AFF2: variants seen among roughly 807,000 people sequenced by gnomAD.
AFF2 encodes ALF transcription elongation factor 2.
In AFF2, 14 loss-of-function variants were observed where a neutral mutation model predicts 76.9. That is an observed-to-expected ratio of 0.18 (90% confidence interval 0.12 to 0.28). AFF2 has a LOEUF of 0.28. AFF2 is among the 10% of genes least tolerant of loss of function. The pLI is 1.00. For missense variants in AFF2, 868 were observed against 1,001.1 expected, an observed-to-expected ratio of 0.87 and a Z score of 1.79; for synonymous variants, 398 against 366.7, an observed-to-expected ratio of 1.09 and a Z score of -0.98.
intron 9 of AFF2, among the ~76,000 whole-genome samples, chrX:148,949,865 T>C: frequency 8.8e-6 from 1 of 113,008 alleles, no homozygotes; most frequent in Middle Eastern, 4.7e-3. Context: ...ATAACATTAA[T>C]ACAGTCTTAG....
chrX:148,762,409 G>GTATATATATATATATATATATATA (rs372864201), intron 3 of AFF2, among the ~76,000 whole-genome samples: 1,824 of 86,340 alleles, frequency 0.021, 46 homozygotes, highest in Non-Finnish European at 0.027. Context: ...GTATTCTATG[G>GTATATATATATATATATATATATA]TATATATATA....
Position 148,999,015 on chromosome X carries a change from G to T in AFF2, c.*7683G>T, listed in dbSNP as rs1431088308. 2.7e-5 allele frequency: 3 copies of T among 111,315 alleles called. No individual in the cohort carries two copies. The Admixed American group carries it at 2.9e-4, about 11-fold the overall frequency. The allele number at this position is 111,315 out of a possible 1,213,427, so 9.2% of individuals were successfully genotyped here. On this transcript the variant is annotated 3_prime_UTR_variant, in exon 21 of 21. Transcript: ENST00000370460. ...AAATATCGATGGGTTTTCAAAGAAT[G>T]CTCCATGTTCATTGGGCCCTTTCAC... is the stretch of plus-strand genomic sequence containing the variant.
chrX:148,837,918 C>T (rs2070548252), intron 5 of AFF2, among the ~76,000 whole-genome samples, 185 bp downstream of exon 5: 1 of 111,994 alleles, frequency 8.9e-6, no homozygotes, highest in Non-Finnish European at 1.9e-5. Flanking sequence ...ACAAAATACA[C>T]ACAGATACCG....
rs1228464252 is a variant in AFF2, at chrX:148,500,679, C to CGCCGCCGCCGCCGCT, written c.-414_-413insCGCCGCCGCTGCCGC. The CGCCGCCGCCGCCGCT allele has an allele frequency of 1.0e-5, 1 of 95,794 alleles. No homozygotes were observed. The highest frequency in any genetic ancestry group is 2.1e-5 in the Non-Finnish European group (1 of 47,019). The allele number at this position is 95,794 out of a possible 1,213,427, so 7.9% of individuals were successfully genotyped here. A position where few individuals can be genotyped will look rare whatever the true frequency, so the allele number is the denominator to read the frequency against. On this transcript the variant is annotated 5_prime_UTR_variant, in exon 1 of 21. Coordinates refer to ENST00000370460, the MANE Select transcript of AFF2 (RefSeq NM_002025.4). ...CCGCCGCCGCCGCCGCCGCCGCCGC[C>CGCCGCCGCCGCCGCT]GCCGCTGCCGCCCCGGCTGCCGCGC...
intron 9 of AFF2, among the ~76,000 whole-genome samples, chrX:148,920,615 AGT>A (rs1557283088): frequency 3.9e-5 from 2 of 51,723 alleles, no homozygotes; most frequent in African/African-American, 1.3e-4. Flanking sequence ...TGTGTGTGTG[AGT>A]GTGCGTGTGT....
intron 1 of AFF2, among the ~76,000 whole-genome samples, chrX:148,608,576 C>A (rs915266589): frequency 9.2e-6 from 1 of 108,913 alleles, no homozygotes; most frequent in South Asian, 4.0e-4. Context: ...AGTGCAGTGG[C>A]GTGATTGTAG....
intron 16 of AFF2, among the ~76,000 whole-genome samples, chrX:148,975,746 C>T (rs2072313531): frequency 9.5e-6 from 1 of 105,300 alleles, no homozygotes; most frequent in Non-Finnish European, 2.0e-5. Context: ...AGATCGAGAC[C>T]ATCCCAGCTA....
chrX:148,547,205 ACAC>A (rs1557238275), intron 1 of AFF2: 2 of 100,711 alleles, frequency 2.0e-5, no homozygotes, highest in Non-Finnish European at 4.0e-5. Context: ...AGAAAGTACT[ACAC>A]CTTTCTTGCA....
intron 7 of AFF2, among the ~76,000 whole-genome samples, chrX:148,870,660 T>C (rs2070962575): frequency 1.8e-5 from 2 of 112,430 alleles, no homozygotes; most frequent in South Asian, 3.7e-4. Flanking sequence ...TGGGTTGAAG[T>C]GAAGGCTCCT....
chrX:148,795,331 T>C (rs1455792933), intron 3 of AFF2, among the ~76,000 whole-genome samples: 1 of 110,987 alleles, frequency 9.0e-6, no homozygotes, highest in Non-Finnish European at 1.9e-5. Flanking sequence ...TTATCATTTA[T>C]AAAGAACTGA....
At chrX:148,587,998 T>G (rs2053485371) in intron 1 of AFF2, among the ~76,000 whole-genome samples, 1 of 112,463 alleles carries the variant, frequency 8.9e-6, no homozygotes, top group Non-Finnish European at 1.9e-5. Context: ...GAGCTCCTCT[T>G]TAGGGAGCAT....
chrX:148,526,845 C>T (rs1455758739), intron 1 of AFF2, among the ~76,000 whole-genome samples: 3 of 110,812 alleles, frequency 2.7e-5, no homozygotes, highest in Middle Eastern at 4.6e-3. Flanking sequence ...CTTTTCTTAC[C>T]GGTAACTCCC....
intron 3 of AFF2, among the ~76,000 whole-genome samples, chrX:148,744,444 T>C (rs2055398219): frequency 8.9e-6 from 1 of 112,310 alleles, no homozygotes; most frequent in African/African-American, 3.2e-5. Context: ...TACTAATGTT[T>C]TGGTTTATTT....
At chrX:148,867,536 T>G (rs999228261) in intron 7 of AFF2, among the ~76,000 whole-genome samples, 4 of 112,481 alleles carry the variant, frequency 3.6e-5, no homozygotes, top group Non-Finnish European at 5.6e-5. Context: ...CATCCTTAGA[T>G]AGTGAAATTT....
At chrX:148,703,257 T>A (rs1557262029) in intron 3 of AFF2, among the ~76,000 whole-genome samples, 1 of 111,987 alleles carries the variant, frequency 8.9e-6, no homozygotes. Flanking sequence ...ACAAAAGTTA[T>A]TTTCATATTA....
intron 3 of AFF2, among the ~76,000 whole-genome samples, chrX:148,737,432 T>A: frequency 8.9e-6 from 1 of 111,973 alleles, no homozygotes; most frequent in Non-Finnish European, 1.9e-5. Context: ...CGCTGTGGTG[T>A]ATAGCAGAGC....
chrX:148,514,184 A>G (rs2052512019), intron 1 of AFF2, among the ~76,000 whole-genome samples: 1 of 112,084 alleles, frequency 8.9e-6, no homozygotes, highest in Non-Finnish European at 1.9e-5. Context: ...TAACCGGAAA[A>G]CCACAGAAGT....
At chrX:148,939,082 A>G (rs1359627957) in intron 9 of AFF2, among the ~76,000 whole-genome samples, 3 of 112,041 alleles carry the variant, frequency 2.7e-5, no homozygotes, top group African/African-American at 9.7e-5. Flanking sequence ...ATGAAAAAGA[A>G]GGAAGAGGAG....
chrX:148,851,006 A>G (rs2070725844), intron 7 of AFF2, among the ~76,000 whole-genome samples: 1 of 112,547 alleles, frequency 8.9e-6, no homozygotes, highest in African/African-American at 3.2e-5. Flanking sequence ...ATTTATAAAG[A>G]AACAAACAAA....
Sources: gnomAD v4.1 joint callset for allele counts (sites outside exome capture counted in the v4.1 genomes callset) on GRCh38, gnomAD v4.1.1 for gene constraint, MANE v1.5 for transcripts, NCBI Gene and HGNC (gene_info 2026-07-23, HGNC 2026-07-21) for gene names.